Variants in PARP12 observed in about 807,000 individuals in gnomAD.
PARP12 encodes poly(ADP-ribose) polymerase family member 12, also known as protein mono-ADP-ribosyltransferase PARP12.
Under a neutral mutation model 72.4 loss-of-function variants are expected in PARP12, and 59 were observed. The observed-to-expected ratio is 0.81, with a 90% CI of 0.66 to 1.01. The LOEUF (loss-of-function observed/expected upper bound fraction) is 1.01. Ranked by LOEUF, PARP12 falls within the 50% of genes least tolerant of loss-of-function variation. PARP12 has a pLI of 0.00. For missense variants in PARP12, 851 were observed against 914.0 expected (o/e 0.93, Z 0.89); for synonymous variants, 403 against 371.4 (o/e 1.09, Z -0.98).
chr7:140,043,190 T>C (rs1350973028), intron 5 of PARP12, among the ~76,000 whole-genome samples: 1 of 151,782 alleles, frequency 6.6e-6, no homozygotes, highest in Non-Finnish European at 1.5e-5. Flanking sequence ...TGAGACTCCA[T>C]CTCAAAAAAA....
intron 9 of PARP12, 79 bp downstream of exon 9, chr7:140,028,534 G>A: frequency 1.6e-6 from 2 of 1,260,860 alleles, no homozygotes; most frequent in Non-Finnish European, 2.2e-6. Flanking sequence ...TCAGTGTTGA[G>A]GAATGGCACA....
intron 8 of PARP12, among the ~76,000 whole-genome samples, chr7:140,032,289 T>G (rs939153351): frequency 6.6e-6 from 1 of 151,942 alleles, no homozygotes; most frequent in Non-Finnish European, 1.5e-5. Context: ...GGAAAGGAAT[T>G]TGGTTTACTT....
chr7:140,041,617 C>T (rs1320497348), intron 6 of PARP12, 27 bp downstream of exon 6: 1 of 1,601,246 alleles, frequency 6.2e-7, no homozygotes, highest in Admixed American at 1.7e-5. Flanking sequence ...CAGGACAAAA[C>T]ATTCACCCTC....
intron 6 of PARP12, among the ~76,000 whole-genome samples, chr7:140,040,926 C>T (rs935757659): frequency 2.0e-5 from 3 of 152,180 alleles, no homozygotes; most frequent in Non-Finnish European, 4.4e-5. Flanking sequence ...CGCCACCACA[C>T]CTGGCCAATT....
chr7:140,056,646 C>T (rs910946510), intron 3 of PARP12, among the ~76,000 whole-genome samples: 1 of 152,216 alleles, frequency 6.6e-6, no homozygotes, highest in East Asian at 1.9e-4. Flanking sequence ...TCTAGGATGG[C>T]ATGCTTGATC....
chr7:140,042,872 TG>T (rs1408105679), intron 5 of PARP12, among the ~76,000 whole-genome samples: 1 of 152,144 alleles, frequency 6.6e-6, no homozygotes, highest in East Asian at 1.9e-4. Context: ...ACATCCCCTC[TG>T]GAGAAATTCA....
chr7:140,027,177 C>A (rs1000224259), intron 10 of PARP12, 99 bp downstream of exon 10: 3 of 1,495,770 alleles, frequency 2.0e-6, no homozygotes, highest in African/African-American at 1.4e-5. Flanking sequence ...GCCCTAACTG[C>A]CGCTCTGCTT....
chr7:140,060,363 T>C (rs1817394914), intron 1 of PARP12, among the ~76,000 whole-genome samples: 4 of 152,186 alleles, frequency 2.6e-5, no homozygotes, highest in Admixed American at 2.6e-4. Context: ...TGATGAGCTA[T>C]TTCTAAAAGA....
chr7:140,047,552 ACT>A (rs753766004), intron 4 of PARP12, among the ~76,000 whole-genome samples: 12 of 152,110 alleles, frequency 7.9e-5, no homozygotes, highest in Admixed American at 3.3e-4. Flanking sequence ...AGTTTCAGGT[ACT>A]CTGTTATAAG....
chr7:140,041,093 A>AG (rs1816449078), intron 6 of PARP12, among the ~76,000 whole-genome samples: 1 of 151,934 alleles, frequency 6.6e-6, no homozygotes, highest in African/African-American at 2.4e-5. Context: ...ATAAGTGACC[A>AG]GGGGACTCCC....
chr7:140,042,436 A>G (rs2116588460), intron 5 of PARP12, among the ~76,000 whole-genome samples: 1 of 152,348 alleles, frequency 6.6e-6, no homozygotes, highest in African/African-American at 2.4e-5. Context: ...AGTACTGCCT[A>G]AAGACCAAAG....
chr7:140,030,529 C>T (rs182464669), intron 8 of PARP12, among the ~76,000 whole-genome samples: 8 of 152,304 alleles, frequency 5.3e-5, no homozygotes, highest in Non-Finnish European at 1.0e-4. Context: ...ACTCAAGAGG[C>T]GGAGGTTGCA....
chr7:140,057,504 A>C, intron 2 of PARP12: 1 of 358,640 alleles, frequency 2.8e-6, no homozygotes. Context: ...CTGACTCATC[A>C]ACTCTCCCTT....
At chr7:140,036,664 T>C (rs1194355299) in intron 7 of PARP12, among the ~76,000 whole-genome samples, 1 of 152,110 alleles carries the variant, frequency 6.6e-6, no homozygotes, top group Non-Finnish European at 1.5e-5. Context: ...CCATAAACTG[T>C]GTTTAAAGGA....
chr7:140,062,544 C>A lies in PARP12; in HGVS notation c.304G>T (p.Ala102Ser), dbSNP rs765224156. 10 of 1,554,900 alleles carry A rather than the reference C, an allele frequency of 6.4e-6. No individual in the cohort carries two copies. The highest frequency in any genetic ancestry group is 1.7e-6 in the Non-Finnish European group (2 of 1,154,858). ...LHLCRFMVYG[A>S]CKFLRAGKNC... The stretch of plus-strand genomic sequence containing the variant: ...TACCCGGCTCTCAGGAACTTGCAGG[C>A]GCCGTAGACCATGAACCTGCAGAGG... The change falls in exon 1 of 12, where the codon GCC becomes TCC. Residue 102 changes from alanine to serine, a missense_variant. By Grantham distance (99) the Ala-to-Ser change is moderately conservative (BLOSUM62 1). Around this residue, in one of 3 missense-constraint regions of PARP12, gnomAD observed 492 missense variants for 489.3 expected, o/e 1.01. Transcript: ENST00000263549.
At position 140,033,085 on chromosome 7, in the gene PARP12, T is replaced by C. The variant is rs529885522; in HGVS notation, c.1421+1150A>G. ...CTCCCACCTCAGTCTCCTGAGTAGC[T>C]GGGACTACAGGCGCACAGGCTGGTC... On this transcript the variant is annotated intron_variant, in intron 8 of 11. Transcript: ENST00000263549. 1.4e-4 allele frequency: 90 copies of C among 662,350 alleles called. No individual in the cohort carries two copies. The South Asian group carries it at 5.3e-3, about 39-fold the overall frequency. The allele number at this position is 662,350 out of a possible 1,614,324, so 41.0% of individuals were successfully genotyped here.
intron 2 of PARP12, 97 bp downstream of exon 2, chr7:140,057,802 C>T (rs1319262620): frequency 1.7e-5 from 25 of 1,510,414 alleles, no homozygotes; most frequent in Non-Finnish European, 2.1e-5. Context: ...CCAGAGATCA[C>T]CAAGGGCCCA....
intron 8 of PARP12, among the ~76,000 whole-genome samples, chr7:140,032,021 T>C (rs1028339029): frequency 6.6e-6 from 1 of 151,998 alleles, no homozygotes; most frequent in Non-Finnish European, 1.5e-5. Flanking sequence ...CCCTAATAGA[T>C]AAAAGGCTCT....
Position 140,028,679 on chromosome 7 carries a change from C to G in PARP12, c.1431G>C (p.Lys477Asn). 2.5e-6 allele frequency: 4 copies of G among 1,601,620 alleles called. No homozygotes were observed. The highest frequency in any genetic ancestry group is 3.4e-6 in the Non-Finnish European group (4 of 1,173,474). ...CTGGGATGCTCTTCGGGCCTGGAAA[C>G]TTGGTATTGCTACAAAAATGTAAAC... is the stretch of plus-strand genomic sequence containing the variant. The part of the protein sequence containing the change: ...DVTTMQTCNT[K>N]FPGPKSIPDY... Residue 477 changes from lysine to asparagine, a missense_variant, in exon 9 of 12, where the codon AAG (lysine) becomes AAC (asparagine). Coordinates refer to ENST00000263549, the MANE Select transcript of PARP12 (RefSeq NM_022750.4).
Sources: gnomAD v4.1 joint callset for allele counts (sites outside exome capture counted in the v4.1 genomes callset) on GRCh38, gnomAD v4.1.1 for gene constraint, gnomAD v4.1.1 regional missense constraint, MANE v1.5 for transcripts, NCBI Gene and HGNC (gene_info 2026-07-23, HGNC 2026-07-21) for gene names.